Variants in SPATA31H1 observed in about 807,000 individuals in gnomAD.
SPATA31H1 encodes spermatogenesis-associated protein 31H1.
chr2:27,579,343 CTAT>C, the SPATA31H1 span: 1 of 1,614,206 alleles, frequency 6.2e-7, no homozygotes, highest in Non-Finnish European at 8.5e-7. Flanking sequence ...ACCTGTCAAT[CTAT>C]TCAGAATTTA....
At chr2:27,580,273 G>C in the SPATA31H1 span, 4 of 1,614,146 alleles carry the variant, frequency 2.5e-6, no homozygotes, top group Non-Finnish European at 3.4e-6. Context: ...TACATCAGGC[G>C]AGGACAACGC....
At chr2:27,556,754 A>G in the SPATA31H1 span, among the ~76,000 whole-genome samples, 1 of 127,086 alleles carries the variant, frequency 7.9e-6, no homozygotes, top group African/African-American at 3.1e-5. Flanking sequence ...TTTCTCGCAG[A>G]GGGGGATTTG....
chr2:27,571,709 G>A, the SPATA31H1 span: 1 of 398,506 alleles, frequency 2.5e-6, no homozygotes, highest in Non-Finnish European at 4.4e-6. Flanking sequence ...TGCAAGATAT[G>A]AAATTTGTGG....
At chr2:27,581,608 G>C in the SPATA31H1 span, 1 of 1,588,112 alleles carries the variant, frequency 6.3e-7, no homozygotes, top group Non-Finnish European at 8.6e-7. Flanking sequence ...AGGAGCCATC[G>C]CGGTCCCTCA....
the SPATA31H1 span, chr2:27,578,127 C>T: frequency 1.9e-6 from 3 of 1,614,076 alleles, no homozygotes; most frequent in South Asian, 3.3e-5. Context: ...GACCCCTGGA[C>T]CACCATTTCA....
At chr2:27,567,279 C>G in the SPATA31H1 span, 1 of 595,832 alleles carries the variant, frequency 1.7e-6, no homozygotes, top group South Asian at 2.2e-5. Flanking sequence ...TAGAAGGGAG[C>G]TAGAAGGACA....
At chr2:27,577,671 A>T in the SPATA31H1 span, 1 of 1,614,076 alleles carries the variant, frequency 6.2e-7, no homozygotes, top group Non-Finnish European at 8.5e-7. This position sits in a 1 kb window ranked among gnomAD's most constrained non-coding sequence, Gnocchi z 4.5. Flanking sequence ...GTTGACTTCT[A>T]AGTCAGGAGT....
the SPATA31H1 span, chr2:27,576,729 C>T: frequency 1.2e-6 from 2 of 1,613,890 alleles, no homozygotes; most frequent in African/African-American, 1.3e-5. Context: ...AAATTTGTCT[C>T]CAGAATCACA....
the SPATA31H1 span, chr2:27,568,667 T>C: frequency 1.5e-5 from 6 of 398,966 alleles, no homozygotes; most frequent in South Asian, 1.3e-4. Flanking sequence ...CAACGGAAGA[T>C]ACAAAATCTG....
the SPATA31H1 span, among the ~76,000 whole-genome samples, chr2:27,538,080 T>C: frequency 6.6e-6 from 1 of 152,068 alleles, no homozygotes; most frequent in Non-Finnish European, 1.5e-5. Flanking sequence ...ATGTCACCAA[T>C]CTGGATGGAG....
chr2:27,578,693 C>T, the SPATA31H1 span: 24 of 1,613,892 alleles, frequency 1.5e-5, no homozygotes, highest in East Asian at 6.7e-5. Flanking sequence ...ATCTAGGACA[C>T]GTGTGTCAGA....
At chr2:27,571,167 T>A in the SPATA31H1 span, 10 of 398,336 alleles carry the variant, frequency 2.5e-5, no homozygotes, top group East Asian at 3.2e-4. Context: ...AGAGCCAGAA[T>A]TGGAAGATGT....
chr2:27,565,928 T>C, the SPATA31H1 span: 2 of 682,850 alleles, frequency 2.9e-6, no homozygotes, highest in East Asian at 2.7e-5. Flanking sequence ...ATTAGCTTTA[T>C]GATCTTGGGT....
At chr2:27,563,725 A>C in the SPATA31H1 span, among the ~76,000 whole-genome samples, 1 of 151,788 alleles carries the variant, frequency 6.6e-6, no homozygotes, top group African/African-American at 2.4e-5. Context: ...ATGCCTGGCT[A>C]ATTTTTTGTA....
chr2:27,560,048 A>G, the SPATA31H1 span, among the ~76,000 whole-genome samples: 2 of 150,738 alleles, frequency 1.3e-5, no homozygotes, highest in African/African-American at 2.4e-5. Context: ...TCGTATTTTT[A>G]GTAGAGATGG....
At chr2:27,580,820 G>A in the SPATA31H1 span, 3 of 1,614,034 alleles carry the variant, frequency 1.9e-6, no homozygotes, top group South Asian at 2.2e-5. Flanking sequence ...ACAAGCTAAC[G>A]CCAGCAGGCT....
At chr2:27,566,799 G>A in the SPATA31H1 span, 28 of 717,712 alleles carry the variant, frequency 3.9e-5, no homozygotes, top group Non-Finnish European at 5.2e-6. Context: ...TACCACCTCT[G>A]TTCTTGTGGC....
chr2:27,579,010 C>T, the SPATA31H1 span: 2 of 1,614,108 alleles, frequency 1.2e-6, no homozygotes, highest in Non-Finnish European at 1.7e-6. Context: ...AACCCATGTC[C>T]TGAGATTCTA....
chr2:27,537,850 A>G, the SPATA31H1 span, among the ~76,000 whole-genome samples: 1 of 152,194 alleles, frequency 6.6e-6, no homozygotes, highest in Admixed American at 6.5e-5. Context: ...ATAGAGGTAT[A>G]AATGTTGCTG....
Sources: allele counts gnomAD v4.1 joint callset (sites outside exome capture counted in the v4.1 genomes callset), GRCh38; gene constraint gnomAD v4.1.1; non-coding constraint Gnocchi (gnomAD v3.1); transcripts MANE v1.5; gene names NCBI Gene and HGNC (gene_info 2026-07-23, HGNC 2026-07-21).